UCK1: variants seen among roughly 807,000 people sequenced by gnomAD.
UCK1 encodes cytidine monophosphokinase 1.
Under a neutral mutation model 34.0 loss-of-function variants are expected in UCK1, and 20 were observed. The ratio of observed to expected loss-of-function variants is 0.59; its 90% confidence interval spans 0.41 to 0.86. The LOEUF is 0.86. Among genes scored for constraint, UCK1 ranks in the 40% least tolerant of loss-of-function variants. The pLI is 0.00. For missense variants in UCK1, 343 were observed against 383.6 expected (o/e 0.89, Z 0.88); for synonymous variants, 168 against 155.9 (o/e 1.08, Z -0.58).
Position 131,526,495 on chromosome 9 carries a change from G to A in UCK1, c.604-518C>T, listed in dbSNP as rs1201915347. 4 of 1,289,630 alleles carry A rather than the reference G, an allele frequency of 3.1e-6. No individual in the cohort carries two copies. In the South Asian group the frequency reaches 4.9e-5, roughly 16 times the overall value. The allele number at this position is 1,289,630 out of a possible 1,614,324, so 79.9% of individuals were successfully genotyped here. A position where few individuals can be genotyped will look rare whatever the true frequency, so the allele number is the denominator to read the frequency against. ...CAATGCTGACTCTCATTCCCTGTCA[G>A]ATGCTCTGCTGCTGAGGAAGGACAA... On this transcript the variant is annotated intron_variant, in intron 5 of 6. Coordinates refer to ENST00000372215, the MANE Select transcript of UCK1 (RefSeq NM_031432.5).
At chr9:131,526,367 G>A in intron 5 of UCK1, 1 of 1,229,660 alleles carries the variant, frequency 8.1e-7, no homozygotes, top group Non-Finnish European at 1.1e-6. Flanking sequence ...TGAAGCTTCT[G>A]CAAATACCCT....
intron 3 of UCK1, 88 bp from the exon 4 acceptor site, chr9:131,529,358 A>G: frequency 6.2e-7 from 1 of 1,603,212 alleles, no homozygotes; most frequent in Non-Finnish European, 8.5e-7. Context: ...AGGGACACTG[A>G]CTGTGGGAAG....
chr9:131,527,018 G>A (rs1162659065), intron 5 of UCK1, among the ~76,000 whole-genome samples: 5 of 152,272 alleles, frequency 3.3e-5, no homozygotes, highest in South Asian at 2.1e-4. Context: ...GCTCAAGAAC[G>A]GCTCTGGGTG....
intron 5 of UCK1, among the ~76,000 whole-genome samples, chr9:131,528,427 C>T (rs1354606214): frequency 2.0e-5 from 3 of 152,194 alleles, no homozygotes; most frequent in Non-Finnish European, 4.4e-5. Flanking sequence ...GCACAGCGCT[C>T]ACTCCAAGAT....
intron 5 of UCK1, among the ~76,000 whole-genome samples, chr9:131,528,165 C>T (rs868732997): frequency 1.4e-5 from 1 of 69,030 alleles, no homozygotes; most frequent in African/African-American, 5.2e-5. Context: ...CAAAAAGAGA[C>T]CCTATCTCAA....
chr9:131,529,250 A>C lies in UCK1; in HGVS notation c.386T>G (p.Val129Gly). 6.2e-7 allele frequency: 1 copy of C among 1,614,150 alleles called. No homozygotes were observed. The highest frequency in any genetic ancestry group is 8.5e-7 in the Non-Finnish European group (1 of 1,180,022). Residue 129 changes from valine (V) to glycine (G), a missense_variant, in exon 4 of 7, where the codon GTC (valine) becomes GGC (glycine). By Grantham distance (109) the Val-to-Gly change is moderately radical (BLOSUM62 -3). Coordinates refer to ENST00000372215, the MANE Select transcript of UCK1 (RefSeq NM_031432.5). ...AAACAGAACCACGTCCGCAGGGTAG[A>C]CCACCGTGGTCTCTGGTAACCTGAG... Reference protein sequence around the residue: ...THSRLPETTVVYPADVVLFEG... With the variant: ...THSRLPETTVGYPADVVLFEG...
At chr9:131,530,800 C>T (rs1298830012) in intron 1 of UCK1, 155 bp from the exon 2 acceptor site, 1 of 1,366,282 alleles carries the variant, frequency 7.3e-7, no homozygotes, top group Non-Finnish European at 1.0e-6. Flanking sequence ...GCGGAAGGGC[C>T]GCGGGGGCCC....
intron 5 of UCK1, 92 bp from the exon 6 acceptor site, chr9:131,526,069 C>T (rs932851559): frequency 3.9e-5 from 59 of 1,495,796 alleles, no homozygotes; most frequent in Admixed American, 1.2e-4. Flanking sequence ...GCAGGAGGGG[C>T]GGCCCTGGGG....
Position 131,531,238 on chromosome 9 carries a change from G to A in UCK1, c.-64C>T, listed in dbSNP as rs2131993983. 2.3e-6 allele frequency: 3 copies of A among 1,294,126 alleles called. No individual in the cohort carries two copies. The highest frequency in any genetic ancestry group is 3.2e-5 in the East Asian group (1 of 31,160). 80.2% of individuals were successfully genotyped at this position (1,294,126 alleles called of 1,614,324 possible). ...CCCCTTCCCCAGGCCCGGCGCGCCC[G>A]CCCAGCGCCGAGGTCGGAGGCAACC... is the stretch of plus-strand genomic sequence containing the variant. On this transcript the variant is annotated 5_prime_UTR_variant, in exon 1 of 7. Coordinates refer to ENST00000372215, the MANE Select transcript of UCK1 (RefSeq NM_031432.5).
chr9:131,525,061 C>G lies in UCK1; in HGVS notation c.813G>C (p.Glu271Asp). 2 of 1,613,038 alleles carry G rather than the reference C, an allele frequency of 1.2e-6. No individual in the cohort carries two copies. Among genetic ancestry groups the G allele is most frequent in the Non-Finnish European group, 1.7e-6 (2 of 1,179,762 alleles). Residue 271 changes from glutamate to aspartate, a missense_variant, in exon 7 of 7, where the codon GAG (glutamate) becomes GAC (aspartate). Transcript: ENST00000372215. ...MLTSGKRSHL[E>D]SSSRPH Reference sequence around the variant, plus strand: ...CCCCTCAGTGGGGTCTGCTGCTGGACTCCAAATGTGACCGTTTGCCAGAGG... The same window carrying G: ...CCCCTCAGTGGGGTCTGCTGCTGGAGTCCAAATGTGACCGTTTGCCAGAGG...
In UCK1 at chr9:131,531,106, GGGCC is replaced by G; in HGVS notation, c.65_68del (p.Arg22ProfsTer3). On this transcript the variant is annotated frameshift_variant, in exon 1 of 7. Coordinates refer to ENST00000372215, the MANE Select transcript of UCK1 (RefSeq NM_031432.5). LOFTEE classifies it high-confidence loss of function. Reference sequence around the variant, plus strand: ...TGCCGCCGCTCACCCCTATCAGGAAGGGCCGCTGGTGCGGACGGTCGGCCTCCGG... The same window carrying G: ...TGCCGCCGCTCACCCCTATCAGGAAGGCTGGTGCGGACGGTCGGCCTCCGG... 1 of 1,450,260 alleles carries G rather than the reference GGGCC, an allele frequency of 6.9e-7. No homozygotes were observed. Among genetic ancestry groups the G allele is most frequent in the East Asian group, 3.1e-5 (1 of 32,758 alleles). The allele number at this position is 1,450,260 out of a possible 1,614,324, so 89.8% of individuals were successfully genotyped here.
intron 2 of UCK1, 143 bp downstream of exon 2, chr9:131,530,343 C>T: frequency 2.0e-6 from 2 of 979,012 alleles, no homozygotes; most frequent in South Asian, 1.5e-5. Flanking sequence ...ACTGTGCAGC[C>T]AACTCCACTG....
intron 1 of UCK1, 94 bp downstream of exon 1, chr9:131,530,973 G>A: frequency 1.7e-6 from 2 of 1,149,766 alleles, no homozygotes; most frequent in South Asian, 2.5e-5. Flanking sequence ...TGCCTGGCAG[G>A]GGGCCCCTCG....
chr9:131,525,627 T>C (rs1950571399), intron 6 of UCK1, among the ~76,000 whole-genome samples: 1 of 152,080 alleles, frequency 6.6e-6, no homozygotes, highest in African/African-American at 2.4e-5. Context: ...CAGAGGCACA[T>C]GCCACCATGC....
In UCK1 at chr9:131,528,932, G is replaced by A. The variant is rs750560692; in HGVS notation, c.603+12C>T. The A allele has an allele frequency of 3.2e-5, 51 of 1,613,648 alleles. No homozygotes were observed. The highest frequency in any genetic ancestry group is 2.7e-4 in the Admixed American group (16 of 59,978). Reference sequence around the variant, plus strand: ...AGGGGAAAATGGGCTCTGAAGCAGCGAGCACAGGTACCGGCAGGCAGAACT... The same window carrying A: ...AGGGGAAAATGGGCTCTGAAGCAGCAAGCACAGGTACCGGCAGGCAGAACT... On this transcript the variant is annotated intron_variant, in intron 5 of 6. Coordinates refer to ENST00000372215, the MANE Select transcript of UCK1 (RefSeq NM_031432.5).
intron 1 of UCK1, 69 bp downstream of exon 1, chr9:131,530,997 TC>T (rs1323783480): frequency 7.9e-7 from 1 of 1,259,774 alleles, no homozygotes; most frequent in African/African-American, 1.6e-5. Flanking sequence ...GGGGCTGGGG[TC>T]TCCTCTCTGG....
chr9:131,527,593 TAGGCC>T (rs1950657029), intron 5 of UCK1, among the ~76,000 whole-genome samples: 1 of 151,828 alleles, frequency 6.6e-6, no homozygotes, highest in South Asian at 2.1e-4. Flanking sequence ...TAGCAGCCAA[TAGGCC>T]AGGCATAGTG....
At position 131,531,256 on chromosome 9, in the gene UCK1, A is replaced by G. The variant is rs1326122874; in HGVS notation, c.-82T>C. 4 of 1,214,996 alleles carry G rather than the reference A, an allele frequency of 3.3e-6. No homozygotes were observed. The African/African-American group carries it at 6.9e-5, about 21-fold the overall frequency. The allele number at this position is 1,214,996 out of a possible 1,614,324, so 75.3% of individuals were successfully genotyped here. A position where few individuals can be genotyped will look rare whatever the true frequency, so the allele number is the denominator to read the frequency against. Reference sequence around the variant, plus strand: ...CGCGCCCGCCCAGCGCCGAGGTCGGAGGCAACCGGAGCGATCACTTCCGGG... The same window carrying G: ...CGCGCCCGCCCAGCGCCGAGGTCGGGGGCAACCGGAGCGATCACTTCCGGG... On this transcript the variant is annotated 5_prime_UTR_variant, in exon 1 of 7. Transcript: ENST00000372215.
At chr9:131,530,088 T>C (rs543257336) in intron 2 of UCK1, among the ~76,000 whole-genome samples, 1 of 152,264 alleles carries the variant, frequency 6.6e-6, no homozygotes, top group African/African-American at 2.4e-5. Flanking sequence ...ACCTACCGCC[T>C]CCCACACTGG....
Sources: allele counts gnomAD v4.1 joint callset (sites outside exome capture counted in the v4.1 genomes callset), GRCh38; gene constraint gnomAD v4.1.1; transcripts MANE v1.5; gene names NCBI Gene and HGNC (gene_info 2026-07-23, HGNC 2026-07-21).